BAIAP3: variants seen among roughly 807,000 people sequenced by gnomAD.
BAIAP3 encodes the protein BAI1-associated protein 3.
A neutral mutation model predicts 149.7 loss-of-function variants in BAIAP3; 180 were observed. The ratio of observed to expected loss-of-function variants is 1.20; its 90% CI spans 1.07 to 1.36. BAIAP3 has a LOEUF of 1.36. Among genes scored for constraint, BAIAP3 ranks in the 40% most tolerant of loss-of-function variants. BAIAP3 has a pLI of 0.00. For missense variants in BAIAP3, 1,767 were observed against 1,563.4 expected, an observed-to-expected ratio of 1.13 and a Z score of -2.20; for synonymous variants, 845 against 670.7, an observed-to-expected ratio of 1.26 and a Z score of -4.02.
Position 1,342,201 on chromosome 16 carries a change from AG to A in BAIAP3, c.876del (p.Lys292AsnfsTer60). Reference sequence around the variant, plus strand: ...GCCAGGTACTTCAAACAGATCGTCAAGTCAGCCCGCGCAAACGGGACAGCAG... The same window carrying A: ...GCCAGGTACTTCAAACAGATCGTCAATCAGCCCGCGCAAACGGGACAGCAG... ...GMGRYFKQIV[K>X]SARANGTAGP... On this transcript the variant is annotated frameshift_variant, in exon 11 of 34. Coordinates refer to ENST00000426824, the MANE Select transcript of BAIAP3 (RefSeq NM_001199097.2). LOFTEE classifies it high-confidence loss of function. 6.2e-7 allele frequency: 1 copy of A among 1,608,150 alleles called. No homozygotes were observed. The highest frequency in any genetic ancestry group is 1.1e-5 in the South Asian group (1 of 90,750).
rs200096685 is a variant in BAIAP3, at chr16:1,341,942, G to A, written c.777-44G>A. The A allele has an allele frequency of 3.0e-4, 469 of 1,583,948 alleles. 2 individuals are homozygous for A. The African/African-American group carries it at 5.8e-3, about 20-fold the overall frequency. ...GGGAGCAGGACGGACTCAGGGCCCG[G>A]CTGCGGGCTCCAGACAAGCCAGGTC... On this transcript the variant is annotated intron_variant, in intron 9 of 33. Transcript: ENST00000426824.
intron 1 of BAIAP3, chr16:1,336,255 G>A: frequency 4.1e-6 from 4 of 985,424 alleles, no homozygotes; most frequent in Non-Finnish European, 4.8e-6. Flanking sequence ...GGAGGGGAAG[G>A]GGGCTTGTGA....
rs1454513804 is a variant in BAIAP3, at chr16:1,334,623, A to C, written c.-11+874A>C. On this transcript the variant is annotated intron_variant, in intron 1 of 33. Coordinates refer to ENST00000426824, the MANE Select transcript of BAIAP3 (RefSeq NM_001199097.2). Reference sequence around the variant, plus strand: ...CTTCGGGGAGCCCAAGGCCACCGGCAGCGCTTGTTAGAATGCAGATTCCCG... The same window carrying C: ...CTTCGGGGAGCCCAAGGCCACCGGCCGCGCTTGTTAGAATGCAGATTCCCG... 2.0e-6 allele frequency: 3 copies of C among 1,531,208 alleles called. No individual in the cohort carries two copies. In the East Asian group the frequency reaches 7.4e-5, roughly 38 times the overall value. 94.9% of individuals were successfully genotyped at this position (1,531,208 alleles called of 1,614,324 possible).
At chr16:1,341,244 T>C (rs1189603680) in intron 7 of BAIAP3, 49 bp downstream of exon 7, 1 of 1,606,550 alleles carries the variant, frequency 6.2e-7, no homozygotes, top group Non-Finnish European at 8.5e-7. Context: ...CTGGCGGCCA[T>C]GGAGGGCCAG....
chr16:1,343,341 G>C, intron 14 of BAIAP3, 52 bp from the exon 15 acceptor site: 2 of 1,560,516 alleles, frequency 1.3e-6, no homozygotes, highest in Non-Finnish European at 1.7e-6. Context: ...GTGCTGAGTG[G>C]GCATGGCAGG....
At position 1,341,307 on chromosome 16, in the gene BAIAP3, A is replaced by T. The variant is rs945283697; in HGVS notation, c.549A>T (p.Pro183=). 15 of 1,610,802 alleles carry T rather than the reference A, an allele frequency of 9.3e-6. No individual in the cohort carries two copies. Among genetic ancestry groups the T allele is most frequent in the African/African-American group, 2.7e-5 (2 of 74,896 alleles). ...TGCCGTGCCCAGGCTTCAGCGACCC[A>T]TACTGCATGCTGGGCATCCTGCCTG... ...LAKDPNGFSD[P]YCMLGILPAS... is the part of the protein sequence containing the mutation. Residue 183 remains proline (P), a synonymous_variant, in exon 8 of 34, where the codon CCA becomes CCT. Coordinates refer to ENST00000426824, the MANE Select transcript of BAIAP3 (RefSeq NM_001199097.2).
chr16:1,334,548 C>A lies in BAIAP3; in HGVS notation c.-11+799C>A. On this transcript the variant is annotated intron_variant, in intron 1 of 33. Coordinates refer to ENST00000426824, the MANE Select transcript of BAIAP3 (RefSeq NM_001199097.2). The stretch of plus-strand genomic sequence containing the variant: ...AAGAAGGCGCCTCGGGCTCCGGTCT[C>A]CTGCGCTCCTGCTGGGCGCCAGCGG... 14 of 968,374 alleles carry A rather than the reference C, an allele frequency of 1.4e-5. No homozygotes were observed. The South Asian group carries it at 2.0e-4, about 14-fold the overall frequency. The allele number at this position is 968,374 out of a possible 1,614,324, so 60.0% of individuals were successfully genotyped here. A position where few individuals can be genotyped will look rare whatever the true frequency, so the allele number is the denominator to read the frequency against.
chr16:1,338,481 G>T, intron 1 of BAIAP3, 59 bp from the exon 2 acceptor site: 1 of 565,444 alleles, frequency 1.8e-6, no homozygotes. Context: ...CCCGCCTGCT[G>T]TGGTGCACGG....
intron 5 of BAIAP3, among the ~76,000 whole-genome samples, chr16:1,339,903 GAC>G (rs1386780021): frequency 1.8e-5 from 2 of 111,634 alleles, no homozygotes; most frequent in Non-Finnish European, 3.6e-5. Flanking sequence ...GGTGCACACA[GAC>G]ACGCACACAG....
In BAIAP3 at chr16:1,348,184, G is replaced by C; in HGVS notation, c.3238G>C (p.Ala1080Pro). The C allele has an allele frequency of 6.2e-7, 1 of 1,609,224 alleles. No homozygotes were observed. The change falls in exon 33 of 34, where the codon GCT (alanine) becomes CCT (proline). Residue 1080 changes from alanine to proline, a missense_variant. Ala to Pro is a conservative substitution (Grantham distance 27, BLOSUM62 -1). Coordinates refer to ENST00000426824, the MANE Select transcript of BAIAP3 (RefSeq NM_001199097.2). Reference sequence around the variant, plus strand: ...CGACTGGCTGTCCACCAACGACTTCGCTGGGGAGGCGGCCCTCGGCCTAGG... The same window carrying C: ...CGACTGGCTGTCCACCAACGACTTCCCTGGGGAGGCGGCCCTCGGCCTAGG... Reference protein sequence around the residue: ...DHDWLSTNDFAGEAALGLGGV... With the variant: ...DHDWLSTNDFPGEAALGLGGV...
Position 1,344,063 on chromosome 16 carries a change from C to T in BAIAP3, c.1428C>T (p.Phe476=), listed in dbSNP as rs368561329. ...ATAGCCTTTCCGCCTTCTCTGAGTTCGGGCTGCAGCTGCTGCGCCAGCTCC... is the reference window on the plus strand; with the variant it reads ...ATAGCCTTTCCGCCTTCTCTGAGTTTGGGCTGCAGCTGCTGCGCCAGCTCC... ...LADSLSAFSE[F]GLQLLRQLRD... is the part of the protein sequence containing the mutation. Residue 476 remains phenylalanine, a synonymous_variant, in exon 16 of 34, where the codon TTC becomes TTT. Coordinates refer to ENST00000426824, the MANE Select transcript of BAIAP3 (RefSeq NM_001199097.2). 135 of 1,612,300 alleles carry T rather than the reference C, an allele frequency of 8.4e-5. No individual in the cohort carries two copies. Among genetic ancestry groups the T allele is most frequent in the South Asian group, 2.1e-4 (19 of 91,084 alleles).
intron 1 of BAIAP3, among the ~76,000 whole-genome samples, chr16:1,334,254 C>T (rs963980335): frequency 2.0e-5 from 3 of 152,120 alleles, no homozygotes; most frequent in Non-Finnish European, 4.4e-5. Flanking sequence ...CAAAGCGGCC[C>T]CTCCTTCAGC....
chr16:1,345,118 T>C lies in BAIAP3; in HGVS notation c.1940+19T>C. ...CTGGCCGGTGGGTGCCCCGTCCCTATCTCTTGCAGACAGACTTTGGGACCA... is the reference window on the plus strand; with the variant it reads ...CTGGCCGGTGGGTGCCCCGTCCCTACCTCTTGCAGACAGACTTTGGGACCA... On this transcript the variant is annotated intron_variant, in intron 21 of 33. Coordinates refer to ENST00000426824, the MANE Select transcript of BAIAP3 (RefSeq NM_001199097.2). The C allele has an allele frequency of 6.2e-7, 1 of 1,612,276 alleles. No individual in the cohort carries two copies. Among genetic ancestry groups the C allele is most frequent in the Non-Finnish European group, 8.5e-7 (1 of 1,179,876 alleles).
chr16:1,345,364 A>T lies in BAIAP3; in HGVS notation c.2056A>T (p.Met686Leu). Reference sequence around the variant, plus strand: ...GTGGAGGCTTCAGGGAGCCGTGGACATGGACACGGTGACAGCTGCCCTGGC... The same window carrying T: ...GTGGAGGCTTCAGGGAGCCGTGGACTTGGACACGGTGACAGCTGCCCTGGC... ...AKWRLQGAVD[M>L]DTLEPVDASS... Residue 686 changes from methionine (M) to leucine (L), a missense_variant, in exon 22 of 34, where the codon ATG (methionine) becomes TTG (leucine). Coordinates refer to ENST00000426824, the MANE Select transcript of BAIAP3 (RefSeq NM_001199097.2). 6.2e-7 allele frequency: 1 copy of T among 1,611,992 alleles called. No individual in the cohort carries two copies. Among genetic ancestry groups the T allele is most frequent in the Middle Eastern group, 1.7e-4 (1 of 6,036 alleles).
chr16:1,344,159 CCG>C lies in BAIAP3; in HGVS notation c.1511+16_1511+17del. ...AGCTGCTGCTGAAGTGGGTGCAGCG[CCG>C]CGTGTCAGCGTGGGTGGGGGCGGCT... On this transcript the variant is annotated intron_variant, in intron 16 of 33. Transcript: ENST00000426824. 1 of 1,611,994 alleles carries C rather than the reference CCG, an allele frequency of 6.2e-7. No homozygotes were observed. The highest frequency in any genetic ancestry group is 8.5e-7 in the Non-Finnish European group (1 of 1,179,646).
At chr16:1,346,791 G>C (rs2034404046) in intron 27 of BAIAP3, 56 bp from the exon 28 acceptor site, 1 of 378,184 alleles carries the variant, frequency 2.6e-6, no homozygotes, top group South Asian at 4.3e-5. Flanking sequence ...CCATTCTGCA[G>C]GTGGGGCCAG....
chr16:1,345,128 A>G (rs766713756), intron 21 of BAIAP3, 29 bp downstream of exon 21: 9 of 1,612,174 alleles, frequency 5.6e-6, no homozygotes, highest in Non-Finnish European at 7.6e-6. Context: ...TCTCTTGCAG[A>G]CAGACTTTGG....
Position 1,339,492 on chromosome 16 carries a change from G to T in BAIAP3, c.301-4G>T, listed in dbSNP as rs201425803. On this transcript the variant is annotated splice_polypyrimidine_tract_variant and splice_region_variant and intron_variant, in intron 4 of 33. Coordinates refer to ENST00000426824, the MANE Select transcript of BAIAP3 (RefSeq NM_001199097.2). ...CACTGTGGCCGCCCTTCCCCCACCTGCAGGTGGAGATGCTCTACGAGGAGG... is the reference window on the plus strand; with the variant it reads ...CACTGTGGCCGCCCTTCCCCCACCTTCAGGTGGAGATGCTCTACGAGGAGG... 1.2e-4 allele frequency: 190 copies of T among 1,605,710 alleles called. 1 individual carries two copies. In the African/African-American group the frequency reaches 2.4e-3, roughly 20 times the overall value.
chr16:1,339,083 C>A, intron 3 of BAIAP3, 81 bp from the exon 4 acceptor site: 1 of 1,595,518 alleles, frequency 6.3e-7, no homozygotes, highest in Non-Finnish European at 8.5e-7. Flanking sequence ...CTCCCACCTC[C>A]TGGGGCACCA....
Sources: gnomAD v4.1 joint callset for allele counts (sites outside exome capture counted in the v4.1 genomes callset) on GRCh38, gnomAD v4.1.1 for gene constraint, MANE v1.5 for transcripts, NCBI Gene and HGNC (gene_info 2026-07-23, HGNC 2026-07-21) for gene names.